TFEC: variants seen among roughly 807,000 people sequenced by gnomAD.
The protein encoded by TFEC is transcription factor EC.
In TFEC, 31 loss-of-function variants were observed where a neutral mutation model predicts 41.6. The observed-to-expected ratio is 0.74, with a 90% CI of 0.56 to 1.01. TFEC has a LOEUF of 1.01. TFEC is among the 50% of genes least tolerant of loss of function. The probability of loss-of-function intolerance (pLI) is 0.00; values close to 1 mark genes in which losing one functional copy is unlikely to be tolerated. For missense variants in TFEC, 402 were observed against 404.1 expected (o/e 0.99, Z 0.04); for synonymous variants, 143 against 140.6 (o/e 1.02, Z -0.12).
intron 2 of TFEC, among the ~76,000 whole-genome samples, chr7:115,977,846 G>A (rs962553266): frequency 4.0e-5 from 6 of 151,628 alleles, no homozygotes; most frequent in Non-Finnish European, 5.9e-5. Flanking sequence ...ACCATACTAA[G>A]GTAGATTTTT....
At chr7:116,050,158 G>T (rs1370777184) in intron 3 of TFEC, among the ~76,000 whole-genome samples, 1 of 151,122 alleles carries the variant, frequency 6.6e-6, no homozygotes, top group Non-Finnish European at 1.5e-5. Context: ...ATAGAGACAC[G>T]AAAAAAAACC....
chr7:115,989,225 T>A (rs1221843823), intron 1 of TFEC, among the ~76,000 whole-genome samples: 1 of 152,184 alleles, frequency 6.6e-6, no homozygotes, highest in Non-Finnish European at 1.5e-5. Flanking sequence ...TATTTTCTTA[T>A]TCTTCATTGA....
chr7:115,985,300 A>G (rs1793802018), intron 1 of TFEC, among the ~76,000 whole-genome samples: 1 of 152,144 alleles, frequency 6.6e-6, no homozygotes, highest in South Asian at 2.1e-4. Flanking sequence ...TATCATAGTT[A>G]ATATTGTACT....
At chr7:115,965,881 T>C (rs1345761808) in intron 3 of TFEC, among the ~76,000 whole-genome samples, 4 of 151,778 alleles carry the variant, frequency 2.6e-5, no homozygotes, top group Middle Eastern at 3.4e-3. Context: ...TCATATTTTA[T>C]ATCTGATCTA....
intron 3 of TFEC, among the ~76,000 whole-genome samples, chr7:116,059,417 T>A (rs1562954823): frequency 6.6e-6 from 1 of 151,884 alleles, no homozygotes; most frequent in Non-Finnish European, 1.5e-5. Flanking sequence ...TCTAGCAAAC[T>A]TTTAAGGATA....
chr7:116,050,716 A>G (rs977062118), intron 3 of TFEC, among the ~76,000 whole-genome samples: 2 of 152,244 alleles, frequency 1.3e-5, no homozygotes, highest in African/African-American at 4.8e-5. Flanking sequence ...AAACTAGTTC[A>G]ACCATTGTGG....
At chr7:115,944,013 ATTTTTTTTTTTTT>A (rs1160114562) in intron 6 of TFEC, among the ~76,000 whole-genome samples, 2 of 22,830 alleles carry the variant, frequency 8.8e-5, no homozygotes, top group African/African-American at 1.2e-4. Context: ...ACAGGTCTGA[ATTTTTTTTTTTTT>A]TTTTTTTTTT....
At chr7:116,090,503 C>A (rs1044668312) in intron 3 of TFEC, among the ~76,000 whole-genome samples, 2 of 152,038 alleles carry the variant, frequency 1.3e-5, no homozygotes, top group Non-Finnish European at 2.9e-5. Flanking sequence ...GCCAAGAACC[C>A]GGACACCCTC....
At chr7:115,941,162 C>T in intron 7 of TFEC, 1 of 459,094 alleles carries the variant, frequency 2.2e-6, no homozygotes, top group Non-Finnish European at 3.8e-6. Flanking sequence ...CATTGTTCTA[C>T]AAAGGTTATG....
In TFEC at chr7:116,115,722, G is replaced by A. The variant is rs768015279; in HGVS notation, c.-68-3684C>T. Among the ~76,000 whole-genome samples the A allele has an allele frequency of 2.0e-5, 3 of 151,904 alleles. No individual in the cohort carries two copies. In the East Asian group the frequency reaches 5.8e-4, roughly 29 times the overall value. On this transcript the variant is annotated intron_variant, in intron 1 of 8. Coordinates refer to the TFEC transcript ENST00000484212. ...GGGGATTAGGACATGGGCATATCTG[G>A]GGGTTCATTATTCAGCATACCACAT...
intron 3 of TFEC, among the ~76,000 whole-genome samples, chr7:116,094,861 A>G (rs2115872178): frequency 6.6e-6 from 1 of 152,320 alleles, no homozygotes; most frequent in African/African-American, 2.4e-5. Flanking sequence ...TTATGGAATG[A>G]GCTCAGCACA....
chr7:115,992,168 G>C (rs543463329), intron 1 of TFEC, among the ~76,000 whole-genome samples: 1 of 152,174 alleles, frequency 6.6e-6, no homozygotes. Context: ...TGAGAACAAA[G>C]ACACAACATA....
intron 1 of TFEC, among the ~76,000 whole-genome samples, chr7:116,113,705 T>C (rs1279196940): frequency 6.6e-6 from 1 of 152,062 alleles, no homozygotes; most frequent in Non-Finnish European, 1.5e-5. Flanking sequence ...AATAAATCTG[T>C]GTGAGCTCAA....
chr7:116,159,324 TTG>T (rs1479424284), intron 1 of TFEC, among the ~76,000 whole-genome samples: 7 of 152,008 alleles, frequency 4.6e-5, no homozygotes, highest in East Asian at 1.9e-4. Flanking sequence ...CCATTTTGTC[TTG>T]TGTTTTTCTG....
chr7:115,996,945 G>C (rs537942907), intron 1 of TFEC, among the ~76,000 whole-genome samples: 3 of 152,142 alleles, frequency 2.0e-5, no homozygotes, highest in African/African-American at 4.8e-5. Flanking sequence ...GATTCCTAAG[G>C]TTTTTAAATA....
intron 3 of TFEC, among the ~76,000 whole-genome samples, chr7:116,087,370 C>T (rs1797225255): frequency 6.6e-6 from 1 of 152,024 alleles, no homozygotes; most frequent in South Asian, 2.1e-4. Context: ...TCAAAATATA[C>T]ATTTTATTAA....
intron 1 of TFEC, among the ~76,000 whole-genome samples, chr7:115,988,920 C>T (rs1296435932): frequency 1.3e-5 from 2 of 152,100 alleles, no homozygotes; most frequent in South Asian, 2.1e-4. Context: ...CTCTTCCTTA[C>T]AAACCATGCA....
At chr7:116,136,069 A>G (rs1191513164) in intron 1 of TFEC, among the ~76,000 whole-genome samples, 1 of 152,048 alleles carries the variant, frequency 6.6e-6, no homozygotes, top group Admixed American at 6.6e-5. Flanking sequence ...TGGTTCAATT[A>G]CACCAATCCT....
At chr7:115,964,651 T>A (rs1049393439) in intron 3 of TFEC, among the ~76,000 whole-genome samples, 2 of 151,646 alleles carry the variant, frequency 1.3e-5, no homozygotes. Flanking sequence ...CTCAGTTTAT[T>A]AGGAATAGAA....
Sources: allele counts gnomAD v4.1 joint callset (sites outside exome capture counted in the v4.1 genomes callset), GRCh38; gene constraint gnomAD v4.1.1; transcripts MANE v1.5; gene names NCBI Gene and HGNC (gene_info 2026-07-23, HGNC 2026-07-21).